Variants in PANX1 observed in about 807,000 individuals in gnomAD.
PANX1 encodes pannexin 1, also known as pannexin-1.
A neutral mutation model predicts 38.7 loss-of-function variants in PANX1; 30 were observed. The ratio of observed to expected loss-of-function variants is 0.78; its 90% confidence interval spans 0.58 to 1.05. PANX1 has a LOEUF of 1.05. Among genes scored for constraint, PANX1 ranks in the 50% least tolerant of loss-of-function variants. PANX1 has a pLI of 0.00. For synonymous variants in PANX1, 230 were observed against 212.2 expected, an observed-to-expected ratio of 1.08 and a Z score of -0.73; for missense variants, 551 against 517.2, an observed-to-expected ratio of 1.07 and a Z score of -0.63.
intron 2 of PANX1, chr11:94,175,984 G>A (rs569167832): frequency 1.9e-5 from 13 of 691,044 alleles, no homozygotes; most frequent in Non-Finnish European, 2.1e-5. Context: ...ATAGTGACAG[G>A]AGGCCTGCAA....
In PANX1 at chr11:94,179,707, C is replaced by T. The variant is rs888538106; in HGVS notation, c.651C>T (p.Arg217=). ...NNLIIKYISC[R]LLTLIIILLA... ...TAATCATCAAGTACATTAGCTGCCGCCTGCTGACACTCATCATTATACTGT... is the reference window on the plus strand; with the variant it reads ...TAATCATCAAGTACATTAGCTGCCGTCTGCTGACACTCATCATTATACTGT... Residue 217 remains arginine, a synonymous_variant, in exon 4 of 5, where the codon CGC becomes CGT. Transcript: ENST00000227638. The T allele has an allele frequency of 2.5e-6, 4 of 1,613,742 alleles. No homozygotes were observed. Among genetic ancestry groups the T allele is most frequent in the Non-Finnish European group, 2.5e-6 (3 of 1,179,904 alleles).
rs544718259 is a variant in PANX1, at chr11:94,177,190, G to A, written c.322-1179G>A. Among the ~76,000 whole-genome samples the A allele has an allele frequency of 2.0e-3, 308 of 151,266 alleles. 6 individuals carry two copies. Among genetic ancestry groups the A allele is most frequent in the African/African-American group, 7.1e-3 (288 of 40,802 alleles). ...GGTACCTGAGCAGGGTGAACTTGGC[G>A]GTTCCAAGAGTTAAGCCTCAGTAAT... On this transcript the variant is annotated intron_variant, in intron 2 of 4. Transcript: ENST00000227638.
Position 94,142,831 on chromosome 11 carries a change from C to G in PANX1, c.182-10660C>G, listed in dbSNP as rs375316746. Among the ~76,000 whole-genome samples the G allele has an allele frequency of 7.2e-5, 11 of 152,316 alleles. No homozygotes were observed. The East Asian group carries it at 2.1e-3, about 29-fold the overall frequency. On this transcript the variant is annotated intron_variant, in intron 1 of 4. Coordinates refer to ENST00000227638, the MANE Select transcript of PANX1 (RefSeq NM_015368.4). ...AGGGAGAATACCTGTGCTCTGTTGC[C>G]CCGTGTAGAAACGGGAAGAATGGAG...
intron 2 of PANX1, among the ~76,000 whole-genome samples, chr11:94,172,293 C>T (rs1180252363): frequency 1.4e-5 from 2 of 139,984 alleles, no homozygotes; most frequent in Non-Finnish European, 3.2e-5. Flanking sequence ...AATGTGGGCA[C>T]CACCCATCTA....
intron 1 of PANX1, among the ~76,000 whole-genome samples, chr11:94,137,867 T>TATCTTGG: frequency 7.5e-6 from 1 of 132,798 alleles, no homozygotes; most frequent in Admixed American, 8.0e-5. Context: ...ACTACTATTC[T>TATCTTGG]TGAAAAACCA....
At chr11:94,174,749 A>G (rs1359632066) in intron 2 of PANX1, among the ~76,000 whole-genome samples, 1 of 151,672 alleles carries the variant, frequency 6.6e-6, no homozygotes, top group East Asian at 1.9e-4. Flanking sequence ...AGATGAGGTC[A>G]CATGCATTTT....
chr11:94,135,374 C>T (rs1262117551), intron 1 of PANX1, among the ~76,000 whole-genome samples: 1 of 152,224 alleles, frequency 6.6e-6, no homozygotes, highest in African/African-American at 2.4e-5. Context: ...GCTTGGAGTT[C>T]CCCTTTCATT....
At chr11:94,168,329 C>G (rs1399502136) in intron 2 of PANX1, among the ~76,000 whole-genome samples, 1 of 151,872 alleles carries the variant, frequency 6.6e-6, no homozygotes, top group Non-Finnish European at 1.5e-5. Flanking sequence ...GAAAACTAAC[C>G]AGATGGATGG....
chr11:94,161,956 A>G (rs1245880604), intron 2 of PANX1, among the ~76,000 whole-genome samples: 2 of 152,172 alleles, frequency 1.3e-5, no homozygotes, highest in Admixed American at 6.5e-5. Context: ...CCTCAGCTGC[A>G]GGTGTGTTGG....
chr11:94,133,645 G>T (rs1260505107), intron 1 of PANX1, among the ~76,000 whole-genome samples: 1 of 152,174 alleles, frequency 6.6e-6, no homozygotes, highest in African/African-American at 2.4e-5. Context: ...AATACTGCAG[G>T]TGTGCCTCCT....
intron 1 of PANX1, among the ~76,000 whole-genome samples, chr11:94,137,918 T>G (rs906822748): frequency 7.0e-6 from 1 of 142,794 alleles, no homozygotes; most frequent in Non-Finnish European, 1.5e-5. Flanking sequence ...CCTAAATTGT[T>G]GTACATGATT....
In PANX1 at chr11:94,181,939, A is replaced by T. The variant is rs1051388138; in HGVS notation, c.*1070A>T. 1 of 152,254 alleles carries T rather than the reference A, an allele frequency of 6.6e-6. No individual in the cohort carries two copies. The highest frequency in any genetic ancestry group is 1.5e-5 in the Non-Finnish European group (1 of 68,036). The allele number at this position is 152,254 out of a possible 1,614,324, so 9.4% of individuals were successfully genotyped here. A position where few individuals can be genotyped will look rare whatever the true frequency, so the allele number is the denominator to read the frequency against. On this transcript the variant is annotated 3_prime_UTR_variant, in exon 5 of 5. Coordinates refer to ENST00000227638, the MANE Select transcript of PANX1 (RefSeq NM_015368.4). ...AATTCTAGCACTGGTGGAGAATTAT[A>T]GAATAAAGATTATAAATGGTTGGAT...
At chr11:94,137,557 G>A (rs1020924107) in intron 1 of PANX1, among the ~76,000 whole-genome samples, 8 of 151,598 alleles carry the variant, frequency 5.3e-5, no homozygotes, top group Non-Finnish European at 1.2e-4. Flanking sequence ...AGGCCCCGCT[G>A]CATGCTGTGG....
intron 1 of PANX1, among the ~76,000 whole-genome samples, chr11:94,137,219 G>A (rs1185769002): frequency 5.3e-5 from 8 of 152,192 alleles, no homozygotes; most frequent in Middle Eastern, 3.4e-3. Context: ...CAGGAGAATC[G>A]CTTGAACGCG....
Position 94,161,353 on chromosome 11 carries a change from C to G in PANX1, c.321+7723C>G, listed in dbSNP as rs191640146. On this transcript the variant is annotated intron_variant, in intron 2 of 4. Coordinates refer to ENST00000227638, the MANE Select transcript of PANX1 (RefSeq NM_015368.4). ...TTGGTTCCATTCTCCCTGTCACTTT[C>G]AGGTACACCAATCAGACGCAGATTT... 4.1e-3 allele frequency among the ~76,000 whole-genome samples: 630 copies of G among 152,348 alleles called. 4 individuals are homozygous for G. Among genetic ancestry groups the G allele is most frequent in the Admixed American group, 7.6e-3 (117 of 15,312 alleles).
At chr11:94,156,689 C>T (rs902549292) in intron 2 of PANX1, among the ~76,000 whole-genome samples, 1 of 149,108 alleles carries the variant, frequency 6.7e-6, no homozygotes, top group Non-Finnish European at 1.5e-5. Context: ...TATCATTCAT[C>T]TTTTTTTAAA....
At chr11:94,135,864 A>G (rs985333335) in intron 1 of PANX1, among the ~76,000 whole-genome samples, 2 of 152,214 alleles carry the variant, frequency 1.3e-5, no homozygotes, top group Admixed American at 1.3e-4. Flanking sequence ...GAGTCATACC[A>G]TAGTGGCTTG....
At chr11:94,160,065 T>C (rs1211776757) in intron 2 of PANX1, among the ~76,000 whole-genome samples, 1 of 152,198 alleles carries the variant, frequency 6.6e-6, no homozygotes, top group Non-Finnish European at 1.5e-5. Context: ...TCCTGAATTC[T>C]AGTTTGATTG....
chr11:94,134,326 T>TGG (rs757060277), intron 1 of PANX1, among the ~76,000 whole-genome samples: 46 of 152,268 alleles, frequency 3.0e-4, no homozygotes, highest in Admixed American at 7.8e-4. Flanking sequence ...ATTTCATTGA[T>TGG]GGGGGGAGAG....
Sources: allele counts gnomAD v4.1 joint callset (sites outside exome capture counted in the v4.1 genomes callset), GRCh38; gene constraint gnomAD v4.1.1; transcripts MANE v1.5; gene names NCBI Gene and HGNC (gene_info 2026-07-23, HGNC 2026-07-21).